Variants in ZZZ3 observed in about 807,000 individuals in gnomAD.
ZZZ3 encodes zinc finger ZZ-type containing 3, also known as ZZ-type zinc finger-containing protein 3.
Under a neutral mutation model 95.2 loss-of-function variants are expected in ZZZ3, and 22 were observed. The ratio of observed to expected loss-of-function variants is 0.23; its 90% CI spans 0.17 to 0.33. The LOEUF is 0.33. Among genes scored for constraint, ZZZ3 ranks in the 10% least tolerant of loss-of-function variants. ZZZ3 has a pLI of 1.00. For synonymous variants in ZZZ3, 335 were observed against 358.9 expected (o/e 0.93, Z 0.75); for missense variants, 885 against 1,066.5 (o/e 0.83, Z 2.37).
chr1:77,592,741 T>C, intron 5 of ZZZ3, among the ~76,000 whole-genome samples: 1 of 152,304 alleles, frequency 6.6e-6, no homozygotes, highest in Middle Eastern at 3.4e-3. Flanking sequence ...GCAAATAAAA[T>C]ATTTAAAAAT....
At chr1:77,584,199 C>G (rs1034211984) in intron 6 of ZZZ3, among the ~76,000 whole-genome samples, 1 of 151,718 alleles carries the variant, frequency 6.6e-6, no homozygotes, top group East Asian at 1.9e-4. Context: ...ATCCCTAAGT[C>G]CTGAAACAGA....
intron 5 of ZZZ3, among the ~76,000 whole-genome samples, chr1:77,602,571 G>T (rs1263248735): frequency 9.3e-5 from 14 of 150,058 alleles, no homozygotes; most frequent in African/African-American, 2.5e-5. Context: ...GAAAACAGAT[G>T]CAGGTCCAGA....
intron 5 of ZZZ3, among the ~76,000 whole-genome samples, chr1:77,609,963 G>C (rs1665621250): frequency 6.6e-6 from 1 of 151,716 alleles, no homozygotes; most frequent in African/African-American, 2.4e-5. Flanking sequence ...AACCTAAAAT[G>C]CATCTTAAAG....
At chr1:77,594,375 T>C (rs1474713394) in intron 5 of ZZZ3, among the ~76,000 whole-genome samples, 1 of 152,142 alleles carries the variant, frequency 6.6e-6, no homozygotes, top group African/African-American at 2.4e-5. Context: ...ACCTATCCCT[T>C]TAGTTCTTAA....
intron 1 of ZZZ3, chr1:77,645,352 C>G (rs1164160960): frequency 6.6e-6 from 1 of 152,270 alleles, no homozygotes; most frequent in Non-Finnish European, 1.5e-5. Context: ...TGCCTATAGT[C>G]CCAGCTACTT....
intron 1 of ZZZ3, among the ~76,000 whole-genome samples, chr1:77,672,595 A>G (rs1446795381): frequency 1.3e-5 from 2 of 152,240 alleles, no homozygotes; most frequent in African/African-American, 2.4e-5. Flanking sequence ...AGAGCCCAGA[A>G]ATCTATTATT....
intron 9 of ZZZ3, chr1:77,580,712 C>T (rs1662418700): frequency 1.1e-5 from 3 of 261,528 alleles, no homozygotes; most frequent in African/African-American, 6.6e-5. Context: ...TCAATGCAAC[C>T]TCTGCCTCCT....
chr1:77,591,077 A>T (rs1663640916), intron 5 of ZZZ3, among the ~76,000 whole-genome samples: 1 of 152,238 alleles, frequency 6.6e-6, no homozygotes, highest in South Asian at 2.1e-4. Flanking sequence ...CAAAAAGAGC[A>T]GCTTGATTTC....
At chr1:77,587,368 A>C (rs897450125) in intron 5 of ZZZ3, among the ~76,000 whole-genome samples, 78 of 150,066 alleles carry the variant, frequency 5.2e-4, no homozygotes, top group African/African-American at 1.8e-3. Context: ...GGGTTCAGGC[A>C]ATTCTCCTGC....
intron 5 of ZZZ3, among the ~76,000 whole-genome samples, chr1:77,613,484 T>C (rs1208964763): frequency 6.6e-6 from 1 of 151,962 alleles, no homozygotes; most frequent in African/African-American, 2.4e-5. Flanking sequence ...AAGCATCTAT[T>C]TTTAAACGCT....
rs1304806393 is a variant in ZZZ3 at position 77,564,266 on chromosome 1, T to G, written c.*1374A>C. 6 of 152,186 alleles carry G rather than the reference T, an allele frequency of 3.9e-5. No individual in the cohort carries two copies. The highest frequency in any genetic ancestry group is 1.5e-5 in the Non-Finnish European group (1 of 67,994). The allele number at this position is 152,186 out of a possible 1,614,324, so 9.4% of individuals were successfully genotyped here. ...AACCATGGTCCGTGTTTCCTTTTTG[T>G]AAGCTAGTTTAATTTAGTGTTTCAG... is the stretch of plus-strand genomic sequence containing the variant. On this transcript the variant is annotated 3_prime_UTR_variant, in exon 15 of 15. Coordinates refer to ENST00000370801, the MANE Select transcript of ZZZ3 (RefSeq NM_015534.6).
chr1:77,578,805 C>T lies in ZZZ3; in HGVS notation c.2147G>A (p.Arg716Lys). Residue 716 changes from arginine to lysine, a missense_variant, in exon 11 of 15, where the codon AGA becomes AAA. Coordinates refer to ENST00000370801, the MANE Select transcript of ZZZ3 (RefSeq NM_015534.6). ...GGAGTATATATATAAGTTTGGTGTT[C>T]TGCCTGGTACTGGAATGCCAGCTTT... ...LTKAGIPVPG[R>K]TPNLYIYSKK... is the part of the protein sequence containing the mutation. 1.3e-6 allele frequency: 2 copies of T among 1,566,798 alleles called. No homozygotes were observed. The highest frequency in any genetic ancestry group is 1.2e-5 in the South Asian group (1 of 82,922).
chr1:77,572,032 A>G (rs1278664767), intron 12 of ZZZ3, among the ~76,000 whole-genome samples: 1 of 152,248 alleles, frequency 6.6e-6, no homozygotes, highest in Non-Finnish European at 1.5e-5. Context: ...AAATGGAGCT[A>G]AAACTGTATA....
intron 5 of ZZZ3, among the ~76,000 whole-genome samples, chr1:77,629,739 T>C (rs1667627351): frequency 6.6e-6 from 1 of 152,208 alleles, no homozygotes; most frequent in Non-Finnish European, 1.5e-5. Flanking sequence ...AGGCATTAAT[T>C]TGAAAACACT....
intron 5 of ZZZ3, among the ~76,000 whole-genome samples, chr1:77,604,291 C>A (rs549977952): frequency 6.6e-6 from 1 of 152,150 alleles, no homozygotes; most frequent in Non-Finnish European, 1.5e-5. Context: ...CCAAGTGATT[C>A]TAATATGCAG....
chr1:77,611,621 T>C (rs1177031012), intron 5 of ZZZ3, among the ~76,000 whole-genome samples: 1 of 151,748 alleles, frequency 6.6e-6, no homozygotes, highest in East Asian at 1.9e-4. Flanking sequence ...ACAATCAAAA[T>C]AGGATGGTAC....
intron 5 of ZZZ3, among the ~76,000 whole-genome samples, chr1:77,589,022 G>A (rs1225288050): frequency 6.6e-6 from 1 of 152,130 alleles, no homozygotes; most frequent in Non-Finnish European, 1.5e-5. Context: ...TGGGACAGGT[G>A]TGTACCACCA....
chr1:77,645,297 G>C (rs1223296179), intron 1 of ZZZ3: 2 of 152,082 alleles, frequency 1.3e-5, no homozygotes, highest in Non-Finnish European at 2.9e-5. Flanking sequence ...ATTAAATCTA[G>C]GTACATGTTT....
Position 77,565,676 on chromosome 1 carries a change from AT to A in ZZZ3, c.2675del (p.Asn892IlefsTer21). On this transcript the variant is annotated frameshift_variant, in exon 15 of 15. Coordinates refer to ENST00000370801, the MANE Select transcript of ZZZ3 (RefSeq NM_015534.6). LOFTEE classifies it high-confidence loss of function. The stretch of plus-strand genomic sequence containing the variant: ...CTGGAAAGTAGTTTGGGTCAAGGTA[AT>A]TGTAACTGGTGCCCTGAGACACACA... ...DYCVSQGTSYNYLDPNYFPAN... is the reference protein window; with the variant it reads ...DYCVSQGTSYXYLDPNYFPAN... 6.2e-7 allele frequency: 1 copy of A among 1,614,008 alleles called. No individual in the cohort carries two copies. The highest frequency in any genetic ancestry group is 8.5e-7 in the Non-Finnish European group (1 of 1,179,906).
Sources: allele counts gnomAD v4.1 joint callset (sites outside exome capture counted in the v4.1 genomes callset), GRCh38; gene constraint gnomAD v4.1.1; transcripts MANE v1.5; gene names NCBI Gene and HGNC (gene_info 2026-07-23, HGNC 2026-07-21).